Variants in USH2A observed in about 807,000 individuals in gnomAD.
The protein encoded by USH2A is Usher syndrome 2A (autosomal recessive, mild).
In USH2A, 443 loss-of-function variants were observed where a neutral mutation model predicts 538.9. The observed-to-expected ratio is 0.82, with a 90% CI of 0.76 to 0.89. USH2A has a LOEUF of 0.89. Among genes scored for constraint, USH2A ranks in the 40% least tolerant of loss-of-function variants. The pLI is 0.00. For missense variants in USH2A, 6,633 were observed against 6,324.8 expected (o/e 1.05, Z -1.65); for synonymous variants, 2,413 against 2,273.5 (o/e 1.06, Z -1.75).
At chr1:215,752,157 A>T (rs975421883) in intron 58 of USH2A, among the ~76,000 whole-genome samples, 51 of 152,162 alleles carry the variant, frequency 3.4e-4, no homozygotes, top group Admixed American at 1.3e-4. Flanking sequence ...GATGACTTTA[A>T]GAGAAAATCA....
chr1:215,633,895 T>A (rs1656390908), intron 70 of USH2A, among the ~76,000 whole-genome samples: 1 of 152,146 alleles, frequency 6.6e-6, no homozygotes, highest in South Asian at 2.1e-4. Context: ...GGACCTCCTA[T>A]TTTGGGAGTG....
At chr1:216,129,466 G>A (rs554189949) in intron 21 of USH2A, among the ~76,000 whole-genome samples, 7 of 151,710 alleles carry the variant, frequency 4.6e-5, no homozygotes, top group East Asian at 3.9e-4. Flanking sequence ...ATTTGTAATC[G>A]CCACAAATAA....
At chr1:216,244,271 T>G (rs1419572905) in intron 13 of USH2A, among the ~76,000 whole-genome samples, 2 of 152,028 alleles carry the variant, frequency 1.3e-5, no homozygotes, top group Admixed American at 1.3e-4. Flanking sequence ...GTGGCTGCAG[T>G]GACTGAAGAA....
At chr1:215,965,736 C>A (rs2102454251) in intron 36 of USH2A, among the ~76,000 whole-genome samples, 1 of 152,260 alleles carries the variant, frequency 6.6e-6, no homozygotes, top group African/African-American at 2.4e-5. Flanking sequence ...TCTGCTCACA[C>A]TGTGACTGTG....
chr1:215,704,547 G>T (rs1659130230), intron 61 of USH2A, among the ~76,000 whole-genome samples: 2 of 152,146 alleles, frequency 1.3e-5, no homozygotes, highest in South Asian at 4.1e-4. Flanking sequence ...AGGAAGCAGG[G>T]TGGTTTTGAT....
chr1:215,695,360 C>A (rs1166110015), intron 61 of USH2A, among the ~76,000 whole-genome samples: 2 of 152,160 alleles, frequency 1.3e-5, no homozygotes, highest in Non-Finnish European at 2.9e-5. Context: ...TATTCTAACA[C>A]AAGGTACATG....
chr1:215,808,361 A>G (rs763403596), intron 49 of USH2A, among the ~76,000 whole-genome samples: 2 of 152,106 alleles, frequency 1.3e-5, no homozygotes, highest in Non-Finnish European at 2.9e-5. Context: ...GAAAATTCCT[A>G]TTTTGACTAG....
intron 32 of USH2A, among the ~76,000 whole-genome samples, chr1:216,036,136 G>A (rs1381776525): frequency 2.0e-5 from 3 of 152,030 alleles, no homozygotes; most frequent in African/African-American, 4.8e-5. Context: ...TTAGTAAGAC[G>A]ATCAACCTGA....
intron 22 of USH2A, among the ~76,000 whole-genome samples, chr1:216,096,633 T>C (rs2032447635): frequency 6.6e-6 from 1 of 152,180 alleles, no homozygotes; most frequent in Non-Finnish European, 1.5e-5. Flanking sequence ...GGCATGGTCA[T>C]ATTTAACTTT....
At chr1:216,230,866 T>C (rs1238661505) in intron 14 of USH2A, among the ~76,000 whole-genome samples, 1 of 134,518 alleles carries the variant, frequency 7.4e-6, no homozygotes, top group Non-Finnish European at 1.6e-5. Flanking sequence ...TTAGACAAGC[T>C]CATAATCTCA....
intron 9 of USH2A, among the ~76,000 whole-genome samples, chr1:216,297,726 G>A (rs190755187): frequency 7.4e-4 from 113 of 152,222 alleles, no homozygotes; most frequent in Admixed American, 3.5e-3. Flanking sequence ...CCTACAGAGT[G>A]GAGCAAGAAG....
chr1:216,414,445 G>A (rs1217156015), intron 3 of USH2A, among the ~76,000 whole-genome samples: 5 of 152,068 alleles, frequency 3.3e-5, no homozygotes, highest in African/African-American at 7.2e-5. Context: ...TAGGAAATTC[G>A]ATTTCCAATT....
intron 13 of USH2A, among the ~76,000 whole-genome samples, chr1:216,243,843 C>A (rs1354734821): frequency 6.6e-6 from 1 of 152,114 alleles, no homozygotes; most frequent in East Asian, 1.9e-4. Context: ...ACTCTTAACT[C>A]ATTGACTTCA....
At chr1:215,711,607 G>T (rs530117401) in intron 61 of USH2A, among the ~76,000 whole-genome samples, 20 of 152,060 alleles carry the variant, frequency 1.3e-4, no homozygotes, top group South Asian at 1.2e-3. Flanking sequence ...TTTCTGGGGG[G>T]TCTCTCCTTA....
rs1221757580 is a variant in USH2A at position 215,877,792 on chromosome 1, T to C, written c.8647A>G (p.Thr2883Ala). 2.5e-6 allele frequency: 4 copies of C among 1,613,760 alleles called. No individual in the cohort carries two copies. The highest frequency in any genetic ancestry group is 1.7e-5 in the Admixed American group (1 of 59,998). Residue 2883 changes from threonine (T) to alanine (A), a missense_variant, in exon 43 of 72, where the codon ACT becomes GCT. Physicochemically the swap from Thr to Ala is moderately conservative, Grantham distance 58. Coordinates refer to ENST00000307340, the MANE Select transcript of USH2A (RefSeq NM_206933.4). ...LNRWHNIYSGTQWLYEDKGLS... is the reference protein window; with the variant it reads ...LNRWHNIYSGAQWLYEDKGLS... Reference sequence around the variant, plus strand: ...CCCTTATCTTCATAAAGCCACTGAGTTCCTGAATAAATATTGTGCCACCGA... The same window carrying C: ...CCCTTATCTTCATAAAGCCACTGAGCTCCTGAATAAATATTGTGCCACCGA...
At chr1:216,156,728 A>G (rs1312594263) in intron 21 of USH2A, among the ~76,000 whole-genome samples, 1 of 152,200 alleles carries the variant, frequency 6.6e-6, no homozygotes, top group Non-Finnish European at 1.5e-5. Context: ...GAAACTATCC[A>G]CAGAGTAAAC....
At chr1:216,013,414 C>A (rs1434193292) in intron 32 of USH2A, among the ~76,000 whole-genome samples, 1 of 151,860 alleles carries the variant, frequency 6.6e-6, no homozygotes, top group East Asian at 1.9e-4. Context: ...CAACACTTTA[C>A]CACTATTTCA....
intron 37 of USH2A, among the ~76,000 whole-genome samples, chr1:215,955,676 CT>C (rs564526029): frequency 1.1e-4 from 17 of 151,588 alleles, no homozygotes; most frequent in African/African-American, 3.1e-4. Flanking sequence ...AAGCCATATA[CT>C]TTTTTTTTCA....
chr1:215,859,266 G>C (rs1472073859), intron 44 of USH2A, among the ~76,000 whole-genome samples: 3 of 152,122 alleles, frequency 2.0e-5, no homozygotes, highest in Non-Finnish European at 4.4e-5. Flanking sequence ...CTGGCATGGT[G>C]GCTCTAGCCT....
Sources: allele counts gnomAD v4.1 joint callset (sites outside exome capture counted in the v4.1 genomes callset), GRCh38; gene constraint gnomAD v4.1.1; transcripts MANE v1.5; gene names NCBI Gene and HGNC (gene_info 2026-07-23, HGNC 2026-07-21).